ZCCHC14: variants seen among roughly 807,000 people sequenced by gnomAD.
ZCCHC14 encodes the protein zinc finger CCHC domain-containing protein 14.
A neutral mutation model predicts 85.0 loss-of-function variants in ZCCHC14; 16 were observed. That is an observed-to-expected ratio of 0.19 (90% CI 0.13 to 0.29). The LOEUF (loss-of-function observed/expected upper bound fraction) is 0.29, where lower values mean the gene tolerates loss of function less well. Ranked by LOEUF, ZCCHC14 falls within the 10% of genes least tolerant of loss-of-function variation. The pLI, the probability that ZCCHC14 is intolerant of heterozygous loss-of-function variation, is 1.00. For synonymous variants in ZCCHC14, 775 were observed against 630.7 expected (o/e 1.23, Z -3.43); for missense variants, 1,303 against 1,443.5 (o/e 0.90, Z 1.58).
At chr16:87,467,797 G>C in intron 1 of ZCCHC14, 1 of 474,326 alleles carries the variant, frequency 2.1e-6, no homozygotes, top group Non-Finnish European at 3.9e-6. Flanking sequence ...GACTACAGGC[G>C]CGCACCACCA....
At chr16:87,465,674 C>T (rs1477923634) in intron 1 of ZCCHC14, among the ~76,000 whole-genome samples, 1 of 152,212 alleles carries the variant, frequency 6.6e-6, no homozygotes, top group African/African-American at 2.4e-5. Context: ...CCGGATCTGG[C>T]TGAAACGCAG....
In ZCCHC14 at chr16:87,492,913, G is replaced by GGCA. The variant is rs1912844914; in HGVS notation, c.-676_-675insTGC. 1.4e-5 allele frequency among the ~76,000 whole-genome samples: 2 copies of GGCA among 142,446 alleles called. No homozygotes were observed. The highest frequency in any genetic ancestry group is 7.8e-5 in the Admixed American group (1 of 12,854). The allele number at this position is 142,446 out of a possible 152,430, so 93.5% of individuals were successfully genotyped here. ...GGACGGATCCGGGCCCGAGCGCGGC[G>GGCA]GCGGCGGCGACGGCGACGGCGACGG... On this transcript the variant is annotated 5_prime_UTR_variant, in exon 1 of 13. Coordinates refer to ENST00000671377, the MANE Select transcript of ZCCHC14 (RefSeq NM_015144.3). This position sits in a 1 kb window ranked among gnomAD's most constrained non-coding sequence, Gnocchi z 6.7.
intron 3 of ZCCHC14, among the ~76,000 whole-genome samples, chr16:87,425,563 C>T (rs1909326347): frequency 6.7e-6 from 1 of 148,710 alleles, no homozygotes; most frequent in Non-Finnish European, 1.5e-5. Flanking sequence ...GCAACAAGAG[C>T]GAAACTCTAT....
At chr16:87,475,289 C>T (rs1260681550) in intron 1 of ZCCHC14, among the ~76,000 whole-genome samples, 2 of 152,090 alleles carry the variant, frequency 1.3e-5, no homozygotes, top group African/African-American at 4.8e-5. Flanking sequence ...CAGTGGCTCA[C>T]GCCTGTAATC....
At chr16:87,459,955 G>GT (rs1299953679) in intron 2 of ZCCHC14, 53 bp downstream of exon 2, 1 of 1,612,402 alleles carries the variant, frequency 6.2e-7, no homozygotes, top group Non-Finnish European at 8.5e-7. Flanking sequence ...GATCTGGGGT[G>GT]TGCCCATCCT....
chr16:87,409,663 T>C lies in ZCCHC14; in HGVS notation c.*617A>G, dbSNP rs1265349094. ...AACCTCTGTTGCGTCCTAAGTCGAG[T>C]AGCCTCTGCTGGTGCTGACTCTTTC... On this transcript the variant is annotated 3_prime_UTR_variant, in exon 13 of 13. Transcript: ENST00000671377. The C allele has an allele frequency of 6.6e-6, 1 of 152,652 alleles. No individual in the cohort carries two copies. Among genetic ancestry groups the C allele is most frequent in the Non-Finnish European group, 1.5e-5 (1 of 68,054 alleles). The allele number at this position is 152,652 out of a possible 1,614,324, so 9.5% of individuals were successfully genotyped here. A position where few individuals can be genotyped will look rare whatever the true frequency, so the allele number is the denominator to read the frequency against.
intron 4 of ZCCHC14, among the ~76,000 whole-genome samples, chr16:87,423,181 C>T (rs1909192894): frequency 6.6e-6 from 1 of 152,214 alleles, no homozygotes; most frequent in Non-Finnish European, 1.5e-5. Flanking sequence ...TGTGCAGTTA[C>T]AACTGTGTGT....
intron 1 of ZCCHC14, among the ~76,000 whole-genome samples, chr16:87,466,445 A>G (rs1209600301): frequency 6.6e-6 from 1 of 152,240 alleles, no homozygotes; most frequent in Non-Finnish European, 1.5e-5. Context: ...GTGAGCTTTT[A>G]GAGCAGGGTT....
intron 1 of ZCCHC14, among the ~76,000 whole-genome samples, chr16:87,488,911 A>T (rs1226492567): frequency 6.6e-6 from 1 of 152,220 alleles, no homozygotes; most frequent in African/African-American, 2.4e-5. Context: ...TAAAGAATTT[A>T]AAAAGCCATT....
chr16:87,417,636 C>T lies in ZCCHC14; in HGVS notation c.1207G>A (p.Gly403Ser), dbSNP rs896941799. ...AAPLPHCSHA[G>S]SAGSALAYRT... Reference sequence around the variant, plus strand: ...TAGGCCAGGGCTGAGCCCGCGCTGCCCGCATGGGAGCAGTGAGGCAAGGGG... The same window carrying T: ...TAGGCCAGGGCTGAGCCCGCGCTGCTCGCATGGGAGCAGTGAGGCAAGGGG... The change falls in exon 8 of 13, where the codon GGC (glycine) becomes AGC (serine). Residue 403 changes from glycine (G) to serine (S), a missense_variant. Around this residue, in one of 7 missense-constraint regions of ZCCHC14, gnomAD observed 389 missense variants for 397.8 expected, o/e 0.98. Transcript: ENST00000671377. The T allele has an allele frequency of 1.2e-6, 2 of 1,614,072 alleles. No homozygotes were observed. The highest frequency in any genetic ancestry group is 1.7e-5 in the Admixed American group (1 of 60,034).
At chr16:87,458,698 G>C (rs778809017) in intron 2 of ZCCHC14, among the ~76,000 whole-genome samples, 3 of 152,212 alleles carry the variant, frequency 2.0e-5, no homozygotes, top group Admixed American at 6.5e-5. Flanking sequence ...TGCCAGGGAC[G>C]GGGACGGTGC....
At chr16:87,414,646 C>G (rs1488880566) in intron 9 of ZCCHC14, 105 bp from the exon 10 acceptor site, 33 of 1,456,812 alleles carry the variant, frequency 2.3e-5, no homozygotes, top group African/African-American at 2.8e-5. Flanking sequence ...GGCTTTGATA[C>G]AGGGCGACTT....
intron 2 of ZCCHC14, among the ~76,000 whole-genome samples, chr16:87,450,871 A>G (rs376364337): frequency 5.3e-5 from 8 of 150,824 alleles, no homozygotes; most frequent in African/African-American, 1.9e-4. Flanking sequence ...ATATTTTTAA[A>G]GTAGCAAAAA....
rs1368581008 is a variant in ZCCHC14, at chr16:87,407,236, T to C, written c.*3044A>G. 1.3e-5 allele frequency: 2 copies of C among 152,226 alleles called. No individual in the cohort carries two copies. The highest frequency in any genetic ancestry group is 3.8e-4 in the East Asian group (2 of 5,200). 9.4% of individuals were successfully genotyped at this position (152,226 alleles called of 1,614,324 possible). On this transcript the variant is annotated 3_prime_UTR_variant, in exon 13 of 13. Coordinates refer to ENST00000671377, the MANE Select transcript of ZCCHC14 (RefSeq NM_015144.3). ...ATAAAGGACCTAGAATTCTAAGTAC[T>C]GAATTAAAAATACAGAACCTACTAA... is the stretch of plus-strand genomic sequence containing the variant.
At chr16:87,451,184 G>GCCACCATGCCCAGACAA (rs1216157987) in intron 2 of ZCCHC14, among the ~76,000 whole-genome samples, 3 of 146,488 alleles carry the variant, frequency 2.0e-5, no homozygotes, top group East Asian at 2.1e-4. Flanking sequence ...ACAGGCGTGA[G>GCCACCATGCCCAGACAA]ACATGGCGCC....
intron 2 of ZCCHC14, among the ~76,000 whole-genome samples, chr16:87,441,326 T>C (rs1910174525): frequency 6.6e-6 from 1 of 152,250 alleles, no homozygotes; most frequent in African/African-American, 2.4e-5. Flanking sequence ...TCAAGCTGAT[T>C]ACTAATAGAG....
intron 2 of ZCCHC14, among the ~76,000 whole-genome samples, chr16:87,436,026 T>C (rs1909904067): frequency 1.3e-5 from 2 of 152,226 alleles, no homozygotes; most frequent in Non-Finnish European, 2.9e-5. Context: ...AAACAACATA[T>C]AGTGTCAATG....
At position 87,477,120 on chromosome 16, in the gene ZCCHC14, C is replaced by CAA. The variant is rs769416913; in HGVS notation, c.570+14547_570+14548dup. Among the ~76,000 whole-genome samples the CAA allele has an allele frequency of 5.5e-3, 221 of 40,078 alleles. 5 individuals carry two copies. Among genetic ancestry groups the CAA allele is most frequent in the African/African-American group, 9.8e-3 (68 of 6,956 alleles). The allele number at this position is 40,078 out of a possible 152,430, so 26.3% of individuals were successfully genotyped here. ...AGCCTGACAGAGAGAGACTCAGTCT[C>CAA]AAAAAAAAAAAAAAAAAAAAACAAA... is the stretch of plus-strand genomic sequence containing the variant. On this transcript the variant is annotated intron_variant, in intron 1 of 12. Transcript: ENST00000671377.
chr16:87,462,960 G>A (rs1426406021), intron 1 of ZCCHC14, among the ~76,000 whole-genome samples: 1 of 151,836 alleles, frequency 6.6e-6, no homozygotes, highest in Non-Finnish European at 1.5e-5. Flanking sequence ...CTCAGCTACT[G>A]GGGAGGCTGA....
Sources: allele counts gnomAD v4.1 joint callset (sites outside exome capture counted in the v4.1 genomes callset), GRCh38; gene constraint gnomAD v4.1.1; regional missense constraint gnomAD v4.1.1; non-coding constraint Gnocchi (gnomAD v3.1); transcripts MANE v1.5; gene names NCBI Gene and HGNC (gene_info 2026-07-23, HGNC 2026-07-21).